The following VOPP1 variants were observed in gnomAD, a reference collection of about 807,000 sequenced individuals.
The protein encoded by VOPP1 is WW domain binding protein VOPP1.
VOPP1 carries 8 observed loss-of-function variants against 23.5 expected under a neutral mutation model. That is an observed-to-expected ratio of 0.34 (90% CI 0.20 to 0.61). The LOEUF is 0.61. VOPP1 is among the 20% of genes least tolerant of loss of function. VOPP1 has a pLI of 0.78. For synonymous variants in VOPP1, 83 were observed against 97.3 expected (o/e 0.85, Z 0.86); for missense variants, 174 against 238.1 (o/e 0.73, Z 1.77).
At chr7:55,523,232 A>G (rs1795980918) in intron 1 of VOPP1, among the ~76,000 whole-genome samples, 1 of 152,230 alleles carries the variant, frequency 6.6e-6, no homozygotes. Context: ...AGCATAGGCA[A>G]AAACAAAAAC....
chr7:55,535,956 C>T (rs979700837), intron 1 of VOPP1, among the ~76,000 whole-genome samples: 1 of 152,288 alleles, frequency 6.6e-6, no homozygotes, highest in East Asian at 1.9e-4. Flanking sequence ...CTCTTTCCTA[C>T]ACCTGACCCA....
chr7:55,537,814 T>C (rs534965629), intron 1 of VOPP1: 1 of 886,960 alleles, frequency 1.1e-6, no homozygotes. Flanking sequence ...CCACTTCCCC[T>C]CCAACTTCCA....
chr7:55,440,576 A>T (rs1408633553), intron 4 of VOPP1, among the ~76,000 whole-genome samples: 1 of 151,914 alleles, frequency 6.6e-6, no homozygotes, highest in Non-Finnish European at 1.5e-5. Context: ...CCACCACCTC[A>T]CTGTTCAGCT....
chr7:55,470,191 A>G (rs2691850), downstream of VOPP1, among the ~76,000 whole-genome samples: 1 of 152,240 alleles, frequency 6.6e-6, no homozygotes. Context: ...AAACGCAGTG[A>G]GACCCCATCT....
At position 55,562,969 on chromosome 7, in the gene VOPP1, T is replaced by C. The variant is rs550483095; in HGVS notation, c.54+9302A>G. On this transcript the variant is annotated intron_variant, in intron 1 of 4. Transcript: ENST00000285279. ...CTCGGAAGTTCAACATGAAACTTTT[T>C]CCATTTCCATCAGTTATACATGCCC... Among the ~76,000 whole-genome samples, 3 of 152,360 alleles carry C rather than the reference T, an allele frequency of 2.0e-5. No individual in the cohort carries two copies. In the South Asian group the frequency reaches 6.2e-4, roughly 32 times the overall value.
rs1222506776 is a variant in VOPP1, at chr7:55,537,742, T to G, written c.55-16612A>C. On this transcript the variant is annotated intron_variant, in intron 1 of 4. Transcript: ENST00000285279. Reference sequence around the variant, plus strand: ...TTCAAGAAGCCAGCGCTTGTGACAGTGTGAAAAGCAGGTCCGGCCCCCAGG... The same window carrying G: ...TTCAAGAAGCCAGCGCTTGTGACAGGGTGAAAAGCAGGTCCGGCCCCCAGG... 4 of 1,394,772 alleles carry G rather than the reference T, an allele frequency of 2.9e-6. No homozygotes were observed. The East Asian group carries it at 1.0e-4, about 36-fold the overall frequency. The allele number at this position is 1,394,772 out of a possible 1,614,324, so 86.4% of individuals were successfully genotyped here. A position where few individuals can be genotyped will look rare whatever the true frequency, so the allele number is the denominator to read the frequency against.
At chr7:55,502,535 A>G (rs1189056563) in intron 2 of VOPP1, among the ~76,000 whole-genome samples, 1 of 152,104 alleles carries the variant, frequency 6.6e-6, no homozygotes, top group Admixed American at 6.5e-5. Flanking sequence ...AGGAGCACAC[A>G]ATTACCCAGG....
chr7:55,545,117 A>G (rs1440243919), intron 1 of VOPP1, among the ~76,000 whole-genome samples: 1 of 152,242 alleles, frequency 6.6e-6, no homozygotes, highest in African/African-American at 2.4e-5. Flanking sequence ...GAAGCAGACC[A>G]CAACGGTGGG....
intron 1 of VOPP1, among the ~76,000 whole-genome samples, chr7:55,550,647 G>A (rs946347301): frequency 3.9e-5 from 6 of 152,116 alleles, no homozygotes; most frequent in African/African-American, 9.7e-5. Context: ...AGGGGCACTC[G>A]CGAGTCCACC....
chr7:55,485,343 G>C (rs548829189), intron 4 of VOPP1, among the ~76,000 whole-genome samples: 1 of 152,258 alleles, frequency 6.6e-6, no homozygotes, highest in East Asian at 1.9e-4. Flanking sequence ...TCCTTCAAAA[G>C]TATTTTCCCA....
chr7:55,542,485 T>TCCAC (rs1797174836), intron 1 of VOPP1, among the ~76,000 whole-genome samples: 2 of 152,280 alleles, frequency 1.3e-5, no homozygotes, highest in African/African-American at 4.8e-5. Context: ...TATTTTAGCT[T>TCCAC]CCACATATGA....
intron 1 of VOPP1, among the ~76,000 whole-genome samples, chr7:55,532,290 T>C (rs1796539444): frequency 6.6e-6 from 1 of 152,238 alleles, no homozygotes; most frequent in Non-Finnish European, 1.5e-5. Context: ...GACCCAACCA[T>C]GGTCAGGTCA....
chr7:55,546,700 T>C (rs1330496460), intron 1 of VOPP1, among the ~76,000 whole-genome samples: 1 of 152,210 alleles, frequency 6.6e-6, no homozygotes, highest in Non-Finnish European at 1.5e-5. Context: ...ACAAATATAT[T>C]GTGCTCCCCC....
chr7:55,550,749 ATT>A (rs1394201389), intron 1 of VOPP1, among the ~76,000 whole-genome samples: 6 of 152,198 alleles, frequency 3.9e-5, no homozygotes, highest in African/African-American at 1.4e-4. Context: ...AGGATGCACT[ATT>A]GAGTATATGT....
intron 4 of VOPP1, among the ~76,000 whole-genome samples, chr7:55,443,126 TAAAAA>T (rs1791008502): frequency 6.7e-6 from 1 of 150,026 alleles, no homozygotes; most frequent in Non-Finnish European, 1.5e-5. Context: ...CTCAAAAAAA[TAAAAA>T]TAAATAAACT....
rs552679451 is a variant in VOPP1 at position 55,560,022 on chromosome 7, G to A, written c.54+12249C>T. Among the ~76,000 whole-genome samples, 21 of 152,290 alleles carry A rather than the reference G, an allele frequency of 1.4e-4. No homozygotes were observed. The South Asian group carries it at 3.7e-3, about 27-fold the overall frequency. ...ACAAAAATTAGCTGGGGATGGTGGC[G>A]CACGCCTGTAGTCCCCGCTACTTGG... is the stretch of plus-strand genomic sequence containing the variant. On this transcript the variant is annotated intron_variant, in intron 1 of 4. Coordinates refer to ENST00000285279, the MANE Select transcript of VOPP1 (RefSeq NM_030796.5).
At chr7:55,483,939 T>G (rs1197685952) in intron 4 of VOPP1, among the ~76,000 whole-genome samples, 4 of 152,156 alleles carry the variant, frequency 2.6e-5, no homozygotes. Context: ...GTATTTTTAG[T>G]AGAGACAGGG....
chr7:55,516,939 T>C (rs1383850591), intron 2 of VOPP1, among the ~76,000 whole-genome samples: 1 of 77,912 alleles, frequency 1.3e-5, no homozygotes, highest in Non-Finnish European at 2.5e-5. Context: ...TATATTTTTT[T>C]TTTTTTTTTT....
intron 2 of VOPP1, among the ~76,000 whole-genome samples, chr7:55,515,474 T>C (rs1795343941): frequency 6.6e-6 from 1 of 152,174 alleles, no homozygotes; most frequent in Non-Finnish European, 1.5e-5. Flanking sequence ...CCAAGCTCAG[T>C]GTTAAAATGT....
Sources: allele counts gnomAD v4.1 joint callset (sites outside exome capture counted in the v4.1 genomes callset), GRCh38; gene constraint gnomAD v4.1.1; transcripts MANE v1.5; gene names NCBI Gene and HGNC (gene_info 2026-07-23, HGNC 2026-07-21).